ANKRD27: variants seen among roughly 807,000 people sequenced by gnomAD.
ANKRD27 encodes the protein ankyrin repeat domain 27.
In ANKRD27, 112 loss-of-function variants were observed where a neutral mutation model predicts 129.7. The observed-to-expected ratio is 0.86, with a 90% CI of 0.74 to 1.01. ANKRD27 has a LOEUF of 1.01. Among genes scored for constraint, ANKRD27 ranks in the 50% least tolerant of loss-of-function variants. The pLI, the probability that ANKRD27 is intolerant of heterozygous loss-of-function variation, is 0.00. For missense variants in ANKRD27, 1,258 were observed against 1,300.5 expected, an observed-to-expected ratio of 0.97 and a Z score of 0.50; for synonymous variants, 516 against 511.2, an observed-to-expected ratio of 1.01 and a Z score of -0.13.
At chr19:32,626,881 A>T in intron 15 of ANKRD27, 54 bp from the exon 16 acceptor site, 1 of 1,257,180 alleles carries the variant, frequency 8.0e-7, no homozygotes, top group Non-Finnish European at 1.1e-6. Context: ...GGCCTTCCAC[A>T]CCTTAACTGT....
chr19:32,633,492 C>T lies in ANKRD27; in HGVS notation c.1117-1998G>A, dbSNP rs942840675. Among the ~76,000 whole-genome samples the T allele has an allele frequency of 2.0e-5, 3 of 151,372 alleles. No homozygotes were observed. The East Asian group carries it at 5.9e-4, about 30-fold the overall frequency. ...GGACTAAAGGTGTGCCACCGTGCAC[C>T]GCTAATTTTTTGTAAAGATGGCGGT... is the stretch of plus-strand genomic sequence containing the variant. On this transcript the variant is annotated intron_variant, in intron 12 of 28. Transcript: ENST00000306065.
chr19:32,662,661 G>A (rs1321950400), intron 1 of ANKRD27, among the ~76,000 whole-genome samples: 1 of 152,142 alleles, frequency 6.6e-6, no homozygotes, highest in Admixed American at 6.6e-5. Context: ...AGGATCGCTT[G>A]AGCCCAGGAG....
intron 1 of ANKRD27, among the ~76,000 whole-genome samples, chr19:32,664,430 G>T (rs1967707235): frequency 1.3e-5 from 2 of 151,430 alleles, no homozygotes; most frequent in Admixed American, 1.3e-4. Context: ...CAAGACCCTG[G>T]CCAACATCAT....
intron 1 of ANKRD27, among the ~76,000 whole-genome samples, chr19:32,668,704 G>A (rs1168025614): frequency 6.6e-6 from 1 of 151,624 alleles, no homozygotes; most frequent in African/African-American, 2.4e-5. Flanking sequence ...TCCTGTCTCG[G>A]ACTCCAGGGT....
In ANKRD27 at chr19:32,597,910, G is replaced by C. The variant is rs1258374099; in HGVS notation, c.*235C>G. On this transcript the variant is annotated 3_prime_UTR_variant, in exon 29 of 29. Coordinates refer to ENST00000306065, the MANE Select transcript of ANKRD27 (RefSeq NM_032139.3). ...CTGGCTTAAGGATCTGGATGCTACT[G>C]GAATTTTTGTCTGTTTCAATTGTAT... 8.8e-6 allele frequency: 5 copies of C among 565,976 alleles called. No homozygotes were observed. The highest frequency in any genetic ancestry group is 1.6e-5 in the Non-Finnish European group (5 of 315,782). The allele number at this position is 565,976 out of a possible 1,614,324, so 35.1% of individuals were successfully genotyped here.
chr19:32,672,399 C>A (rs1051154298), intron 1 of ANKRD27, among the ~76,000 whole-genome samples: 2 of 152,188 alleles, frequency 1.3e-5, no homozygotes, highest in African/African-American at 4.8e-5. Flanking sequence ...AAGCACCCAG[C>A]CCTGCGCCTG....
At chr19:32,600,200 C>T (rs1425361487) in intron 26 of ANKRD27, 150 bp from the exon 27 acceptor site, 1 of 601,626 alleles carries the variant, frequency 1.7e-6, no homozygotes, top group Non-Finnish European at 2.9e-6. Context: ...ACAGCTAGTA[C>T]CTATTTATAA....
rs746859989 is a variant in ANKRD27 at position 32,620,885 on chromosome 19, C to CA, written c.1828-1333dup. On this transcript the variant is annotated intron_variant, in intron 18 of 28. Transcript: ENST00000306065. ...TGGGCAATACAGCCAAACCTTGTCT[C>CA]AAAAAAAAAAAAAAAAAAAAAAAAA... Among the ~76,000 whole-genome samples the CA allele has an allele frequency of 2.3e-3, 170 of 75,296 alleles. 1 individual carries two copies. The highest frequency in any genetic ancestry group is 5.3e-3 in the East Asian group (13 of 2,468). The allele number at this position is 75,296 out of a possible 152,430, so 49.4% of individuals were successfully genotyped here.
chr19:32,623,552 T>G (rs1032209432), intron 17 of ANKRD27, among the ~76,000 whole-genome samples: 18 of 100,052 alleles, frequency 1.8e-4, no homozygotes, highest in Non-Finnish European at 2.7e-4. Flanking sequence ...AGACCTGTTG[T>G]TTTTTTTTTT....
chr19:32,658,311 G>C (rs1392625840), intron 2 of ANKRD27, among the ~76,000 whole-genome samples: 1 of 152,174 alleles, frequency 6.6e-6, no homozygotes, highest in Non-Finnish European at 1.5e-5. Context: ...CCCACAATGT[G>C]GGGCCCGCCC....
intron 5 of ANKRD27, chr19:32,643,870 CTTGGT>C (rs1967250391): frequency 1.5e-5 from 8 of 542,510 alleles, no homozygotes; most frequent in Non-Finnish European, 2.6e-5. Context: ...GACTTTACCA[CTTGGT>C]TTGTTTTTTC....
intron 1 of ANKRD27, chr19:32,673,108 C>CA (rs1287810939): frequency 6.4e-6 from 1 of 155,318 alleles, no homozygotes; most frequent in African/African-American, 2.4e-5. Context: ...CACAGTCTAA[C>CA]AGTCACAAAG....
intron 23 of ANKRD27, among the ~76,000 whole-genome samples, chr19:32,606,616 C>CCCGATGTGCTGGGTGACAGTGAT (rs1396311661): frequency 1.9e-4 from 29 of 152,212 alleles, no homozygotes; most frequent in East Asian, 3.9e-4. Context: ...TCTCACTTCA[C>CCCGATGTGCTGGGTGACAGTGAT]CTTTCTATCC....
chr19:32,602,080 G>A lies in ANKRD27; in HGVS notation c.2702C>T (p.Ala901Val). The A allele has an allele frequency of 3.7e-6, 6 of 1,614,014 alleles. No homozygotes were observed. The highest frequency in any genetic ancestry group is 5.1e-6 in the Non-Finnish European group (6 of 1,179,952). ...AGTTTCAGCCACATCATCTAATGAAGCAACACAGCTTGGTACCACCTGAAG... is the reference window on the plus strand; with the variant it reads ...AGTTTCAGCCACATCATCTAATGAAACAACACAGCTTGGTACCACCTGAAG... ...ELLQVVPSCVASLDDVAETDR... is the reference protein window; with the variant it reads ...ELLQVVPSCVVSLDDVAETDR... Residue 901 changes from alanine to valine, a missense_variant, in exon 26 of 29, where the codon GCT (alanine) becomes GTT (valine). Coordinates refer to ENST00000306065, the MANE Select transcript of ANKRD27 (RefSeq NM_032139.3).
intron 12 of ANKRD27, among the ~76,000 whole-genome samples, chr19:32,633,808 G>A (rs931797815): frequency 2.0e-5 from 3 of 151,756 alleles, no homozygotes; most frequent in African/African-American, 7.3e-5. Flanking sequence ...GATCACATGA[G>A]CCCAGGAGTT....
rs572912763 is a variant in ANKRD27, at chr19:32,613,857, C to T, written c.2175+1801G>A. 4.6e-4 allele frequency among the ~76,000 whole-genome samples: 70 copies of T among 152,004 alleles called. 2 individuals are homozygous for T. Among genetic ancestry groups the T allele is most frequent in the East Asian group, 4.5e-3 (23 of 5,160 alleles). On this transcript the variant is annotated intron_variant, in intron 22 of 28. Coordinates refer to ENST00000306065, the MANE Select transcript of ANKRD27 (RefSeq NM_032139.3). ...CCGAGTAGCTGGGACTAGAAGCGCC[C>T]GCCACCACGCCCAGCTAATTTTTTG...
chr19:32,601,161 T>C (rs1268225882), intron 26 of ANKRD27, among the ~76,000 whole-genome samples: 1 of 151,326 alleles, frequency 6.6e-6, no homozygotes, highest in African/African-American at 2.4e-5. Context: ...TAGCCAGGCA[T>C]GGTGGCACGT....
At position 32,599,985 on chromosome 19, in the gene ANKRD27, C is replaced by T. The variant is rs750051043; in HGVS notation, c.2833G>A (p.Ala945Thr). 4.3e-6 allele frequency: 7 copies of T among 1,612,672 alleles called. No homozygotes were observed. In the Admixed American group the frequency reaches 1.2e-4, roughly 27 times the overall value. The change falls in exon 27 of 29, where the codon GCT (alanine) becomes ACT (threonine). Residue 945 changes from alanine (A) to threonine (T), a missense_variant. Transcript: ENST00000306065. ...TTTCATACTCACTTAAACTGACCAG[C>T]TGAGTGGACAAAGTAAAACTGTCTT... ...FTRQFYFVHS[A>T]GQFKGKTSRE...
Position 32,675,150 on chromosome 19 carries a change from GC to G in ANKRD27, c.-111del, listed in dbSNP as rs1196796245. ...CCTCGTCCGCTGCTGGGACCTCGAT[GC>G]CCACCACCCTCGCGCGGCGATCTGG... is the stretch of plus-strand genomic sequence containing the variant. On this transcript the variant is annotated 5_prime_UTR_variant, in exon 1 of 29. Coordinates refer to ENST00000306065, the MANE Select transcript of ANKRD27 (RefSeq NM_032139.3). The G allele has an allele frequency of 6.6e-6, 1 of 152,368 alleles. No homozygotes were observed. Among genetic ancestry groups the G allele is most frequent in the Non-Finnish European group, 1.5e-5 (1 of 68,222 alleles). The allele number at this position is 152,368 out of a possible 1,614,324, so 9.4% of individuals were successfully genotyped here.
Sources: allele counts gnomAD v4.1 joint callset (sites outside exome capture counted in the v4.1 genomes callset), GRCh38; gene constraint gnomAD v4.1.1; transcripts MANE v1.5; gene names NCBI Gene and HGNC (gene_info 2026-07-23, HGNC 2026-07-21).